The following PTPRN2 variants were observed in gnomAD, a reference collection of about 807,000 sequenced individuals.
PTPRN2 encodes protein tyrosine phosphatase receptor type N2.
In PTPRN2, 74 loss-of-function variants were observed where a neutral mutation model predicts 118.8. The observed-to-expected ratio is 0.62, with a 90% CI of 0.52 to 0.76. The LOEUF (loss-of-function observed/expected upper bound fraction) is 0.76, where lower values mean the gene tolerates loss of function less well. Among genes scored for constraint, PTPRN2 ranks in the 30% least tolerant of loss-of-function variants. The pLI is 0.00. For synonymous variants in PTPRN2, 641 were observed against 608.0 expected (o/e 1.05, Z -0.80); for missense variants, 1,481 against 1,394.4 (o/e 1.06, Z -0.99).
intron 12 of PTPRN2, among the ~76,000 whole-genome samples, chr7:157,688,629 C>T (rs1404979150): frequency 6.6e-6 from 1 of 152,228 alleles, no homozygotes; most frequent in Non-Finnish European, 1.5e-5. Context: ...CGGGACGGGG[C>T]CTGGCCTCCC....
chr7:157,988,716 C>T (rs1347391), intron 11 of PTPRN2, among the ~76,000 whole-genome samples: 53,605 of 152,012 alleles, frequency 0.35, 9,728 homozygotes, highest in East Asian at 0.58. Context: ...AGGTCATGCA[C>T]GTCCACACTT....
intron 6 of PTPRN2, among the ~76,000 whole-genome samples, chr7:158,159,072 T>A (rs574544500): frequency 6.2e-5 from 2 of 32,058 alleles, no homozygotes; most frequent in Admixed American, 7.8e-4. Flanking sequence ...AAGGGCTTCC[T>A]GAATGAATGA....
chr7:158,268,101 A>G (rs1453476658), intron 3 of PTPRN2, among the ~76,000 whole-genome samples: 1 of 152,238 alleles, frequency 6.6e-6, no homozygotes, highest in East Asian at 1.9e-4. Flanking sequence ...ACCGTCAACA[A>G]GTCTGTGTCT....
intron 12 of PTPRN2, among the ~76,000 whole-genome samples, chr7:157,811,052 A>T (rs1328196248): frequency 6.6e-6 from 1 of 151,930 alleles, no homozygotes; most frequent in African/African-American, 2.4e-5. Flanking sequence ...CAGGCGGATC[A>T]CGAAGTCAGG....
At chr7:158,127,307 A>G (rs147766600) in intron 9 of PTPRN2, among the ~76,000 whole-genome samples, 2,470 of 151,658 alleles carry the variant, frequency 0.016, 57 homozygotes, top group African/African-American at 0.049. Flanking sequence ...CTCTGCGTGC[A>G]CCCTGCGTCC....
At chr7:157,554,731 A>G (rs920327846) in intron 21 of PTPRN2, among the ~76,000 whole-genome samples, 4 of 152,256 alleles carry the variant, frequency 2.6e-5, no homozygotes, top group Non-Finnish European at 4.4e-5. Flanking sequence ...AAGAAAATCC[A>G]GATGGAAGGA....
intron 12 of PTPRN2, among the ~76,000 whole-genome samples, chr7:157,846,535 CCA>C (rs1253451762): frequency 6.6e-6 from 1 of 152,166 alleles, no homozygotes; most frequent in Non-Finnish European, 1.5e-5. Flanking sequence ...GGAACAGGCA[CCA>C]GTTTGTCACT....
At chr7:157,580,385 A>C (rs1027898754) in intron 17 of PTPRN2, among the ~76,000 whole-genome samples, 33 of 152,034 alleles carry the variant, frequency 2.2e-4, no homozygotes, top group African/African-American at 7.7e-4. Flanking sequence ...TGTTTGGTGA[A>C]GGGTAAGAGA....
intron 12 of PTPRN2, among the ~76,000 whole-genome samples, chr7:157,815,372 G>A (rs1419286003): frequency 2.0e-5 from 3 of 152,176 alleles, no homozygotes; most frequent in East Asian, 1.9e-4. Flanking sequence ...CTAGGCCTCC[G>A]CGCATCAGTG....
At position 157,590,733 on chromosome 7, in the gene PTPRN2, C is replaced by T. The variant is rs773692347; in HGVS notation, c.2496+4505G>A. 5.3e-5 allele frequency among the ~76,000 whole-genome samples: 8 copies of T among 152,026 alleles called. No individual in the cohort carries two copies. Among genetic ancestry groups the T allele is most frequent in the Non-Finnish European group, 8.8e-5 (6 of 68,012 alleles). On this transcript the variant is annotated intron_variant, in intron 17 of 22. Transcript: ENST00000389418. This position sits in a 1 kb window ranked among gnomAD's most constrained non-coding sequence, Gnocchi z 4.0. ...AGTGACCTCGATGCCCCATGCTCAC[C>T]GAGGGGACTTCCCCTGAACCCGTCT...
intron 22 of PTPRN2, among the ~76,000 whole-genome samples, chr7:157,548,203 G>C (rs1031257427): frequency 6.6e-6 from 1 of 152,146 alleles, no homozygotes; most frequent in African/African-American, 2.4e-5. Context: ...GTGACAGAGT[G>C]AGACTCTGTC....
intron 11 of PTPRN2, among the ~76,000 whole-genome samples, chr7:157,926,812 A>T (rs1170150467): frequency 2.0e-5 from 3 of 152,030 alleles, no homozygotes; most frequent in Non-Finnish European, 4.4e-5. Flanking sequence ...CATGGCCCCC[A>T]CTGCTGTTGG....
chr7:157,611,081 C>T lies in PTPRN2; in HGVS notation c.2345-7006G>A, dbSNP rs890740611. ...GCTGCCCACCGCTGAGCTGAATAAC[C>T]GAGCGCGAGGCTGGTGTCCGGCTTC... On this transcript the variant is annotated intron_variant, in intron 15 of 22. Coordinates refer to ENST00000389418, the MANE Select transcript of PTPRN2 (RefSeq NM_002847.5). The surrounding 1 kb of genome is among the most constrained non-coding windows in gnomAD (Gnocchi z 5.9). Among the ~76,000 whole-genome samples the T allele has an allele frequency of 8.5e-5, 13 of 152,210 alleles. No individual in the cohort carries two copies. Among genetic ancestry groups the T allele is most frequent in the Non-Finnish European group, 1.6e-4 (11 of 68,042 alleles).
intron 2 of PTPRN2, among the ~76,000 whole-genome samples, chr7:158,456,299 G>A (rs539279594): frequency 2.2e-5 from 3 of 134,302 alleles, no homozygotes; most frequent in South Asian, 2.6e-4. Flanking sequence ...AGAAGATAAT[G>A]GCACGGATGC....
In PTPRN2 at chr7:158,340,445, G is replaced by A. The variant is rs1329456598; in HGVS notation, c.164-23513C>T. Among the ~76,000 whole-genome samples the A allele has an allele frequency of 4.2e-5, 4 of 94,120 alleles. 1 individual carries two copies. Among genetic ancestry groups the A allele is most frequent in the African/African-American group, 1.1e-4 (3 of 26,664 alleles). The allele number at this position is 94,120 out of a possible 152,430, so 61.7% of individuals were successfully genotyped here. On this transcript the variant is annotated intron_variant, in intron 2 of 22. Coordinates refer to ENST00000389418, the MANE Select transcript of PTPRN2 (RefSeq NM_002847.5). ...CACACACACTCTCACCGTAAGAGCT[G>A]ACACCCGCAGACGTCACTCACATCC...
chr7:158,265,766 G>A (rs1300916122), intron 3 of PTPRN2, among the ~76,000 whole-genome samples: 1 of 152,194 alleles, frequency 6.6e-6, no homozygotes, highest in Non-Finnish European at 1.5e-5. Flanking sequence ...ATGAGGACAT[G>A]GTCCAGGCAC....
At chr7:157,613,117 G>C (rs896790121) in intron 15 of PTPRN2, among the ~76,000 whole-genome samples, 1 of 152,138 alleles carries the variant, frequency 6.6e-6, no homozygotes, top group African/African-American at 2.4e-5. Flanking sequence ...GGACAGGCCC[G>C]GCCCCGTCTC....
chr7:158,033,834 A>G (rs57090124), intron 11 of PTPRN2, among the ~76,000 whole-genome samples: 19,994 of 148,630 alleles, frequency 0.13, 1,361 homozygotes, highest in Admixed American at 0.16. Context: ...GAAACTGCAC[A>G]CTGAGGCCCG....
At chr7:157,838,578 G>T (rs1365770769) in intron 12 of PTPRN2, among the ~76,000 whole-genome samples, 1 of 105,328 alleles carries the variant, frequency 9.5e-6, no homozygotes, top group Non-Finnish European at 1.8e-5. Context: ...CTCTCATAGT[G>T]GATGGCATGG....
Sources: gnomAD v4.1 joint callset for allele counts (sites outside exome capture counted in the v4.1 genomes callset) on GRCh38, gnomAD v4.1.1 for gene constraint, Gnocchi (gnomAD v3.1) non-coding constraint, MANE v1.5 for transcripts, NCBI Gene and HGNC (gene_info 2026-07-23, HGNC 2026-07-21) for gene names.